Variants in ETV6 observed in about 807,000 individuals in gnomAD.
The protein encoded by ETV6 is transcription factor ETV6.
Under a neutral mutation model 51.1 loss-of-function variants are expected in ETV6, and 16 were observed. The observed-to-expected ratio is 0.31, with a 90% CI of 0.21 to 0.48. The LOEUF (loss-of-function observed/expected upper bound fraction) is 0.48. Among genes scored for constraint, ETV6 ranks in the 20% least tolerant of loss-of-function variants. The pLI is 0.99. For synonymous variants in ETV6, 240 were observed against 224.1 expected (o/e 1.07, Z -0.64); for missense variants, 458 against 594.8 (o/e 0.77, Z 2.39).
chr12:11,709,712 A>G (rs899923019), intron 1 of ETV6, among the ~76,000 whole-genome samples: 2 of 152,238 alleles, frequency 1.3e-5, no homozygotes, highest in African/African-American at 4.8e-5. Context: ...AGTAAAGCAC[A>G]TGGCCCTCCG....
At chr12:11,823,158 T>C (rs547980057) in intron 2 of ETV6, among the ~76,000 whole-genome samples, 15 of 152,244 alleles carry the variant, frequency 9.9e-5, no homozygotes, top group African/African-American at 3.6e-4. Flanking sequence ...TGGGGGCTCT[T>C]TCTGAGATGA....
intron 2 of ETV6, among the ~76,000 whole-genome samples, chr12:11,824,375 A>T (rs1395021236): frequency 1.3e-5 from 2 of 152,176 alleles, no homozygotes; most frequent in Non-Finnish European, 2.9e-5. Context: ...AGGAGGTCTG[A>T]AAGGTGTAGA....
chr12:11,886,152 C>T, intron 7 of ETV6, 126 bp downstream of exon 7: 1 of 694,356 alleles, frequency 1.4e-6, no homozygotes, highest in East Asian at 2.5e-5. Context: ...ATCATTGCTA[C>T]AAACTGGATA....
chr12:11,683,190 C>T (rs548388227), intron 1 of ETV6, among the ~76,000 whole-genome samples: 29 of 152,268 alleles, frequency 1.9e-4, no homozygotes, highest in Non-Finnish European at 2.4e-4. Context: ...ATTACAGGCG[C>T]GCTCCACCAT....
chr12:11,795,891 G>A (rs1053114095), intron 2 of ETV6, among the ~76,000 whole-genome samples: 2 of 152,170 alleles, frequency 1.3e-5, no homozygotes, highest in Non-Finnish European at 2.9e-5. Context: ...AAAACACTTA[G>A]TACAGTGTCT....
At chr12:11,659,376 G>A (rs1864058431) in intron 1 of ETV6, among the ~76,000 whole-genome samples, 1 of 152,152 alleles carries the variant, frequency 6.6e-6, no homozygotes, top group Admixed American at 6.5e-5. Context: ...TTACCCACCT[G>A]TCCCTCCTAC....
Position 11,801,886 on chromosome 12 carries a change from C to T in ETV6, c.164-37254C>T, listed in dbSNP as rs3782144. Among the ~76,000 whole-genome samples, 163 of 152,322 alleles carry T rather than the reference C, an allele frequency of 1.1e-3. No homozygotes were observed. In the East Asian group the frequency reaches 0.021, roughly 20 times the overall value. ...CCCAAGGCCAGCAGAAGTAAGATAACATCTTTGTTCCCCTCCATTTCTTCC... is the reference window on the plus strand; with the variant it reads ...CCCAAGGCCAGCAGAAGTAAGATAATATCTTTGTTCCCCTCCATTTCTTCC... On this transcript the variant is annotated intron_variant, in intron 2 of 7. Transcript: ENST00000396373.
intron 1 of ETV6, among the ~76,000 whole-genome samples, chr12:11,688,509 C>G (rs1328643293): frequency 6.6e-6 from 1 of 152,190 alleles, no homozygotes; most frequent in African/African-American, 2.4e-5. Context: ...TCTTAGCTAT[C>G]AGGCAAAACC....
At chr12:11,728,595 A>G (rs10743967) in intron 1 of ETV6, among the ~76,000 whole-genome samples, 87,308 of 151,992 alleles carry the variant, frequency 0.57, 25,808 homozygotes, top group Middle Eastern at 0.7. Context: ...CCACCAAACC[A>G]GTCCCTGGTG....
At chr12:11,790,670 G>C (rs939860853) in intron 2 of ETV6, among the ~76,000 whole-genome samples, 19 of 139,244 alleles carry the variant, frequency 1.4e-4, no homozygotes, top group Non-Finnish European at 2.4e-4. Context: ...TTTGGTACCA[G>C]AGGATAAACT....
At chr12:11,805,099 G>C (rs1945810575) in intron 2 of ETV6, among the ~76,000 whole-genome samples, 1 of 152,178 alleles carries the variant, frequency 6.6e-6, no homozygotes, top group South Asian at 2.1e-4. Context: ...GCTGGGCTGG[G>C]GGAGGGTGGA....
At chr12:11,662,100 A>T (rs908211520) in intron 1 of ETV6, among the ~76,000 whole-genome samples, 1 of 152,088 alleles carries the variant, frequency 6.6e-6, no homozygotes, top group African/African-American at 2.4e-5. Flanking sequence ...GCATGTTCCC[A>T]CCCTTCCCAA....
chr12:11,841,437 G>C (rs1946389470), intron 3 of ETV6, among the ~76,000 whole-genome samples: 1 of 152,226 alleles, frequency 6.6e-6, no homozygotes, highest in Non-Finnish European at 1.5e-5. Flanking sequence ...GTGGGATTGA[G>C]TAGGCAGAGG....
intron 5 of ETV6, among the ~76,000 whole-genome samples, chr12:11,874,961 G>A (rs549265769): frequency 6.7e-6 from 1 of 150,210 alleles, no homozygotes; most frequent in African/African-American, 2.4e-5. Flanking sequence ...CGAGTTAATG[G>A]GTGCAGCACA....
At chr12:11,669,373 T>TCCATCCCTCCCTCCCTCCCTC (rs1864262418) in intron 1 of ETV6, among the ~76,000 whole-genome samples, 1 of 129,344 alleles carries the variant, frequency 7.7e-6, no homozygotes, top group Non-Finnish European at 1.6e-5. Flanking sequence ...CTTCCTCCCT[T>TCCATCCCTCCCTCCCTCCCTC]CCTCCCTCCC....
chr12:11,657,275 C>T (rs1209586653), intron 1 of ETV6, among the ~76,000 whole-genome samples: 1 of 152,160 alleles, frequency 6.6e-6, no homozygotes, highest in Non-Finnish European at 1.5e-5. Context: ...CTGATCAAGC[C>T]AGAGTCAGAA....
chr12:11,733,367 C>A (rs1455730973), intron 1 of ETV6, among the ~76,000 whole-genome samples: 1 of 133,844 alleles, frequency 7.5e-6, no homozygotes, highest in African/African-American at 2.9e-5. Flanking sequence ...GAGATCGCAC[C>A]ACTGCAGTGC....
At chr12:11,776,500 C>T (rs990291811) in intron 2 of ETV6, among the ~76,000 whole-genome samples, 3 of 151,860 alleles carry the variant, frequency 2.0e-5, no homozygotes, top group South Asian at 2.1e-4. Flanking sequence ...CTGCTGTGGC[C>T]GCCCAAAGTG....
chr12:11,723,428 C>G (rs1016916637), intron 1 of ETV6, among the ~76,000 whole-genome samples: 1 of 152,106 alleles, frequency 6.6e-6, no homozygotes, highest in Admixed American at 6.5e-5. Flanking sequence ...TTCAGTTATT[C>G]CTTTTTCCCT....
Sources: gnomAD v4.1 joint callset for allele counts (sites outside exome capture counted in the v4.1 genomes callset) on GRCh38, gnomAD v4.1.1 for gene constraint, MANE v1.5 for transcripts, NCBI Gene and HGNC (gene_info 2026-07-23, HGNC 2026-07-21) for gene names.